Variants in DIAPH2 observed in about 807,000 individuals in gnomAD.
The protein encoded by DIAPH2 is protein diaphanous homolog 2.
In DIAPH2, 35 loss-of-function variants were observed where a neutral mutation model predicts 92.7. The observed-to-expected ratio is 0.38, with a 90% CI of 0.29 to 0.50. DIAPH2 has a LOEUF of 0.50. DIAPH2 is among the 20% of genes least tolerant of loss of function. DIAPH2 has a pLI of 0.94. For missense variants in DIAPH2, 701 were observed against 819.5 expected (o/e 0.86, Z 1.77); for synonymous variants, 301 against 280.4 (o/e 1.07, Z -0.73).
intron 25 of DIAPH2, among the ~76,000 whole-genome samples, chrX:97,426,586 G>A (rs939230938): frequency 1.8e-5 from 2 of 109,507 alleles, no homozygotes; most frequent in East Asian, 2.9e-4. Flanking sequence ...CACTGTGCCC[G>A]GCTAAAATTT....
intron 4 of DIAPH2, among the ~76,000 whole-genome samples, chrX:96,797,168 CATTTTTTTTTTCATTT>C (rs1304599220): frequency 9.0e-6 from 1 of 110,822 alleles, no homozygotes. Context: ...TTCTGAGTTC[CATTTTTTTTTTCATTT>C]AGAAAAGACA....
chrX:96,903,706 A>C (rs776780478), intron 5 of DIAPH2, among the ~76,000 whole-genome samples: 22 of 111,730 alleles, frequency 2.0e-4, no homozygotes, highest in African/African-American at 6.5e-4. Context: ...TTTTTTCCTC[A>C]TCATTACTTT....
At chrX:97,588,106 A>G (rs1283332128) in intron 26 of DIAPH2, among the ~76,000 whole-genome samples, 1 of 112,081 alleles carries the variant, frequency 8.9e-6, no homozygotes, top group Non-Finnish European at 1.9e-5. Flanking sequence ...TGGGCCAGGT[A>G]CTAGATTACC....
At chrX:97,068,876 C>A (rs917018684) in intron 17 of DIAPH2, among the ~76,000 whole-genome samples, 2 of 111,755 alleles carry the variant, frequency 1.8e-5, no homozygotes, top group Non-Finnish European at 3.8e-5. Flanking sequence ...AATATGTATG[C>A]ATGAAGTTAC....
rs776162892 is a variant in DIAPH2 at position 97,469,133 on chromosome X, A to G, written c.3241+39388A>G. Among the ~76,000 whole-genome samples the G allele has an allele frequency of 1.6e-3, 176 of 111,930 alleles. 1 individual carries two copies. Among genetic ancestry groups the G allele is most frequent in the African/African-American group, 5.5e-3 (171 of 30,940 alleles). On this transcript the variant is annotated intron_variant, in intron 26 of 26. Transcript: ENST00000324765. ...AATGGAAATTTAGAAAATATACTCT[A>G]TTAAATATCAGTTGATTTTCTTTCC...
intron 4 of DIAPH2, among the ~76,000 whole-genome samples, chrX:96,877,615 C>T (rs1193481563): frequency 8.9e-6 from 1 of 111,868 alleles, no homozygotes; most frequent in African/African-American, 3.2e-5. Context: ...TCTGTTTTTA[C>T]ATTAAAAAAT....
At chrX:97,257,101 T>G (rs2068243943) in intron 23 of DIAPH2, among the ~76,000 whole-genome samples, 1 of 111,581 alleles carries the variant, frequency 9.0e-6, no homozygotes, top group Non-Finnish European at 1.9e-5. Flanking sequence ...GATAATAATG[T>G]AGTACATTGT....
intron 25 of DIAPH2, among the ~76,000 whole-genome samples, 169 bp downstream of exon 25, chrX:97,384,213 G>C (rs189981047): frequency 1.4e-3 from 151 of 111,741 alleles, no homozygotes; most frequent in African/African-American, 4.6e-3. Context: ...TCCCTACGCT[G>C]AGCATTCAGG....
At chrX:97,467,002 T>G (rs1433595396) in intron 26 of DIAPH2, among the ~76,000 whole-genome samples, 1 of 112,441 alleles carries the variant, frequency 8.9e-6, no homozygotes, top group African/African-American at 3.2e-5. Flanking sequence ...TTACAATATC[T>G]TCATTTCTGT....
intron 23 of DIAPH2, among the ~76,000 whole-genome samples, chrX:97,249,738 T>C (rs2068172461): frequency 9.0e-6 from 1 of 111,609 alleles, no homozygotes; most frequent in Non-Finnish European, 1.9e-5. Context: ...AATATATATA[T>C]TTTTTACCCT....
At chrX:96,888,585 A>ATATATCTATC (rs2065283574) in intron 5 of DIAPH2, among the ~76,000 whole-genome samples, 1 of 99,154 alleles carries the variant, frequency 1.0e-5, no homozygotes, top group African/African-American at 3.6e-5. Flanking sequence ...ATATATCTAT[A>ATATATCTATC]TATATACAGA....
chrX:97,054,762 T>C (rs2066544448), intron 17 of DIAPH2, among the ~76,000 whole-genome samples: 1 of 111,194 alleles, frequency 9.0e-6, no homozygotes, highest in Non-Finnish European at 1.9e-5. Context: ...ACTTAAGCTT[T>C]ATCATCTACA....
At chrX:97,535,685 A>G (rs1304954778) in intron 26 of DIAPH2, among the ~76,000 whole-genome samples, 4 of 111,894 alleles carry the variant, frequency 3.6e-5, no homozygotes, top group Non-Finnish European at 7.5e-5. Flanking sequence ...CCTGACCTCA[A>G]GTGATCCACC....
At chrX:96,896,140 A>AT (rs2065343476) in intron 5 of DIAPH2, among the ~76,000 whole-genome samples, 1 of 111,321 alleles carries the variant, frequency 9.0e-6, no homozygotes, top group Non-Finnish European at 1.9e-5. Flanking sequence ...AAGAAAGTAT[A>AT]TTTTTTGGAC....
intron 26 of DIAPH2, among the ~76,000 whole-genome samples, chrX:97,492,318 C>A (rs2070730504): frequency 9.0e-6 from 1 of 110,797 alleles, no homozygotes; most frequent in Non-Finnish European, 1.9e-5. Flanking sequence ...AATTATATTC[C>A]CAGCTTCTCA....
chrX:97,223,044 G>T (rs1047313620), intron 22 of DIAPH2, among the ~76,000 whole-genome samples: 2 of 110,549 alleles, frequency 1.8e-5, no homozygotes, highest in African/African-American at 6.6e-5. Context: ...GTCTAGGCTG[G>T]TCTCAAACTC....
intron 23 of DIAPH2, among the ~76,000 whole-genome samples, chrX:97,336,976 G>A (rs1477360539): frequency 9.0e-6 from 1 of 110,874 alleles, no homozygotes; most frequent in African/African-American, 3.3e-5. Flanking sequence ...ATGGAAAAGT[G>A]GGGTCATTGC....
chrX:96,885,449 C>CAAAAAAAAAAAAAAAAAA (rs60706314), intron 5 of DIAPH2: 1 of 34,256 alleles, frequency 2.9e-5, no homozygotes, highest in Non-Finnish European at 4.9e-5. Context: ...AGCGAAAAGA[C>CAAAAAAAAAAAAAAAAAA]AAAAAAAAAA....
At chrX:96,782,478 T>C (rs756294650) in intron 4 of DIAPH2, among the ~76,000 whole-genome samples, 88 of 112,109 alleles carry the variant, frequency 7.8e-4, no homozygotes, top group Middle Eastern at 4.6e-3. Flanking sequence ...TGTATTTTTT[T>C]AGTAGAGACG....
Sources: allele counts gnomAD v4.1 joint callset (sites outside exome capture counted in the v4.1 genomes callset), GRCh38; gene constraint gnomAD v4.1.1; transcripts MANE v1.5; gene names NCBI Gene and HGNC (gene_info 2026-07-23, HGNC 2026-07-21).